H2BC5: variants seen among roughly 807,000 people sequenced by gnomAD.
H2BC5 encodes H2B clustered histone 5, also known as histone H2B type 1-D.
Under a neutral mutation model 5.7 loss-of-function variants are expected in H2BC5, and 9 were observed. The observed-to-expected ratio is 1.57, with a 90% CI of 0.95 to 2.74. The LOEUF (loss-of-function observed/expected upper bound fraction) is 2.74, where lower values mean the gene tolerates loss of function less well. Among genes scored for constraint, H2BC5 ranks in the 30% most tolerant of loss-of-function variants. The probability of loss-of-function intolerance (pLI) is 0.00; values close to 1 mark genes in which losing one functional copy is unlikely to be tolerated. For missense variants in H2BC5, 175 were observed against 168.8 expected (o/e 1.04, Z -0.20); for synonymous variants, 133 against 70.9 (o/e 1.88, Z -4.40).
chr6:26,159,266 T>TGTTTTTG (rs1561968593), downstream of H2BC5, among the ~76,000 whole-genome samples: 2 of 140,362 alleles, frequency 1.4e-5, no homozygotes, highest in African/African-American at 5.7e-5. Flanking sequence ...TTTTTTTTTT[T>TGTTTTTG]TTTTTTGGCA....
downstream of H2BC5, among the ~76,000 whole-genome samples, chr6:26,162,428 C>T (rs1028646734): frequency 6.6e-5 from 10 of 152,190 alleles, no homozygotes; most frequent in Non-Finnish European, 1.5e-4. Flanking sequence ...TGTCTTTTTC[C>T]TCCTGTTCAT....
intron 1 of H2BC5, among the ~76,000 whole-genome samples, chr6:26,168,623 A>G (rs1764472025): frequency 1.3e-5 from 2 of 152,216 alleles, no homozygotes; most frequent in African/African-American, 2.4e-5. Flanking sequence ...AATCAAATGT[A>G]CAATCACCTG....
Position 26,158,155 on chromosome 6 carries a change from A to G in H2BC5, c.-15A>G, listed in dbSNP as rs1265647067. On this transcript the variant is annotated 5_prime_UTR_variant, in exon 1 of 1. Coordinates refer to ENST00000377777, the MANE Select transcript of H2BC5 (RefSeq NM_021063.4). The stretch of plus-strand genomic sequence containing the variant: ...CTCAGGTGTTTGCAACAGTGTTCTA[A>G]CTATTAACGCTACGATGCCTGAACC... 5 of 1,608,736 alleles carry G rather than the reference A, an allele frequency of 3.1e-6. No homozygotes were observed. In the South Asian group the frequency reaches 3.3e-5, roughly 11 times the overall value.
chr6:26,165,290 A>C (rs1206679767), intron 1 of H2BC5, among the ~76,000 whole-genome samples: 1 of 151,866 alleles, frequency 6.6e-6, no homozygotes, highest in Non-Finnish European at 1.5e-5. Flanking sequence ...CTGGTCTTGG[A>C]CTCCCTAGAA....
At chr6:26,161,566 T>A (rs1172606954), downstream of H2BC5, among the ~76,000 whole-genome samples, 1 of 151,812 alleles carries the variant, frequency 6.6e-6, no homozygotes, top group Non-Finnish European at 1.5e-5. Context: ...AGCCCAGGAG[T>A]TGGAGACCAG....
At chr6:26,169,234 G>A (rs1764482152) in intron 1 of H2BC5, among the ~76,000 whole-genome samples, 1 of 152,190 alleles carries the variant, frequency 6.6e-6, no homozygotes, top group Non-Finnish European at 1.5e-5. Context: ...TGAAGGATTT[G>A]TAAGGAAATT....
intron 1 of H2BC5, among the ~76,000 whole-genome samples, chr6:26,167,049 C>CTTTTTTTTTTTTTTTTTTTTTTTTTAAAA (rs149341201): frequency 1.0e-5 from 1 of 97,026 alleles, no homozygotes; most frequent in Non-Finnish European, 1.9e-5. Flanking sequence ...TTTGTTTTCT[C>CTTTTTTTTTTTTTTTTTTTTTTTTTAAAA]TTTTTTTTTT....
chr6:26,159,771 AT>A (rs1243501477), downstream of H2BC5, among the ~76,000 whole-genome samples: 2 of 152,202 alleles, frequency 1.3e-5, no homozygotes, highest in African/African-American at 4.8e-5. Flanking sequence ...ATGATGGATT[AT>A]GGGATACATT....
intron 1 of H2BC5, among the ~76,000 whole-genome samples, chr6:26,168,636 T>A (rs1361783722): frequency 6.6e-6 from 1 of 152,158 alleles, no homozygotes; most frequent in East Asian, 1.9e-4. Flanking sequence ...ATCACCTGGC[T>A]CTGATACCTT....
chr6:26,170,487 G>A (rs963142213), intron 1 of H2BC5, among the ~76,000 whole-genome samples: 4 of 152,080 alleles, frequency 2.6e-5, no homozygotes, highest in Admixed American at 2.6e-4. Flanking sequence ...TGAGTGACTC[G>A]GATTTTCTGG....
At chr6:26,165,510 T>G (rs570492045) in intron 1 of H2BC5, among the ~76,000 whole-genome samples, 1 of 152,216 alleles carries the variant, frequency 6.6e-6, no homozygotes, top group Non-Finnish European at 1.5e-5. Context: ...TCCTGCATCC[T>G]ACCCATGAAA....
downstream of H2BC5, chr6:26,158,745 T>C (rs76756897): frequency 3.7e-3 from 3,464 of 924,312 alleles, 74 homozygotes; most frequent in East Asian, 0.043. Context: ...CAATAGGTAC[T>C]AGAAATTGAG....
intron 1 of H2BC5, among the ~76,000 whole-genome samples, chr6:26,166,692 C>CTT (rs139697089): frequency 1.6e-3 from 144 of 90,150 alleles, no homozygotes; most frequent in Non-Finnish European, 2.0e-3. Context: ...ATACTTTTGG[C>CTT]TTTTTTTTTT....
intron 1 of H2BC5, among the ~76,000 whole-genome samples, chr6:26,170,014 CATG>C (rs1764495265): frequency 6.6e-6 from 1 of 152,114 alleles, no homozygotes; most frequent in African/African-American, 2.4e-5. Context: ...AAAAAGGGGA[CATG>C]AGTAGATAGA....
chr6:26,164,658 G>C (rs746539697), intron 1 of H2BC5, among the ~76,000 whole-genome samples: 3 of 151,644 alleles, frequency 2.0e-5, no homozygotes, highest in Non-Finnish European at 2.9e-5. Context: ...AAAATCTGCA[G>C]CCCTACCATA....
downstream of H2BC5, among the ~76,000 whole-genome samples, chr6:26,159,724 A>G (rs1002111724): frequency 1.3e-5 from 2 of 152,256 alleles, no homozygotes; most frequent in African/African-American, 2.4e-5. Context: ...GAATGAATTT[A>G]GAAGTTTGTC....
At chr6:26,158,760 A>G (rs918536773), downstream of H2BC5, 2 of 776,394 alleles carry the variant, frequency 2.6e-6, no homozygotes, top group African/African-American at 1.8e-5. Flanking sequence ...ATTGAGTGCT[A>G]TGGGTACGTA....
chr6:26,162,396 C>T (rs536154480), downstream of H2BC5, among the ~76,000 whole-genome samples: 60 of 152,300 alleles, frequency 3.9e-4, no homozygotes, highest in African/African-American at 1.4e-3. Context: ...CAATATGTCA[C>T]ATTAGACATG....
chr6:26,165,092 A>T (rs75026503), intron 1 of H2BC5, among the ~76,000 whole-genome samples: 1 of 152,350 alleles, frequency 6.6e-6, no homozygotes, highest in East Asian at 1.9e-4. Flanking sequence ...ATCAACAATT[A>T]AAAAACAAGA....
Sources: allele counts gnomAD v4.1 joint callset (sites outside exome capture counted in the v4.1 genomes callset), GRCh38; gene constraint gnomAD v4.1.1; transcripts MANE v1.5; gene names NCBI Gene and HGNC (gene_info 2026-07-23, HGNC 2026-07-21).